ACSL6: variants seen among roughly 807,000 people sequenced by gnomAD.
ACSL6 encodes long-chain-fatty-acid--CoA ligase 6.
ACSL6 carries 47 observed loss-of-function variants against 98.2 expected under a neutral mutation model. That is an observed-to-expected ratio of 0.48 (90% CI 0.38 to 0.61). The LOEUF (loss-of-function observed/expected upper bound fraction) is 0.61. ACSL6 is among the 20% of genes least tolerant of loss of function. The pLI, the probability that ACSL6 is intolerant of heterozygous loss-of-function variation, is 0.00. For synonymous variants in ACSL6, 362 were observed against 336.9 expected (o/e 1.07, Z -0.82); for missense variants, 761 against 913.4 (o/e 0.83, Z 2.15).
chr5:131,986,314 C>T (rs1173100821), intron 8 of ACSL6, among the ~76,000 whole-genome samples: 1 of 152,122 alleles, frequency 6.6e-6, no homozygotes, highest in Non-Finnish European at 1.5e-5. Context: ...AGGCCATATG[C>T]CTTTTAGAAA....
At chr5:131,988,307 C>T in intron 6 of ACSL6, 81 bp from the exon 7 acceptor site, 1 of 1,509,868 alleles carries the variant, frequency 6.6e-7, no homozygotes, top group Non-Finnish European at 9.1e-7. Flanking sequence ...CAGCACATGC[C>T]AGGCAGCACT....
chr5:132,011,850 C>T (rs1347282388), upstream of ACSL6: 3 of 1,507,926 alleles, frequency 2.0e-6, no homozygotes, highest in South Asian at 2.6e-5. This position sits in a 1 kb window ranked among gnomAD's most constrained non-coding sequence, Gnocchi z 5.4. Context: ...AGCTCCCGGG[C>T]GGGGGAGGGG....
At chr5:131,960,405 G>T in intron 19 of ACSL6, 115 bp downstream of exon 19, 1 of 714,442 alleles carries the variant, frequency 1.4e-6, no homozygotes, top group Non-Finnish European at 2.2e-6. Flanking sequence ...ATAAAGTAAT[G>T]TTAGAAATTT....
rs1755713367 is a variant in ACSL6, at chr5:132,011,313, A to G, written c.49+192T>C. On this transcript the variant is annotated intron_variant, in intron 1 of 20. Transcript: ENST00000651883. This position sits in a 1 kb window ranked among gnomAD's most constrained non-coding sequence, Gnocchi z 5.4. ...CCTCCGCAGACCCAGGTGCTCCCCA[A>G]ACCCGGCCCGGAGCCCGCGAGAACT... 4.6e-6 allele frequency: 3 copies of G among 648,516 alleles called. No individual in the cohort carries two copies. The highest frequency in any genetic ancestry group is 3.7e-5 in the South Asian group (2 of 54,726). The allele number at this position is 648,516 out of a possible 1,614,324, so 40.2% of individuals were successfully genotyped here.
At chr5:131,985,635 G>A (rs891369189) in intron 8 of ACSL6, among the ~76,000 whole-genome samples, 177 bp from the exon 9 acceptor site, 8 of 152,138 alleles carry the variant, frequency 5.3e-5, no homozygotes, top group South Asian at 2.1e-4. Context: ...GCAGATGAGC[G>A]CTCAGGAAAA....
At chr5:131,986,154 A>T (rs147904616) in intron 8 of ACSL6, among the ~76,000 whole-genome samples, 2 of 152,310 alleles carry the variant, frequency 1.3e-5, no homozygotes, top group Admixed American at 6.5e-5. Flanking sequence ...GTGCTGAGGG[A>T]TGGGAGAGTG....
chr5:131,986,792 C>T lies in ACSL6; in HGVS notation c.864+30G>A, dbSNP rs377734567. Reference sequence around the variant, plus strand: ...GACAGGCCCTGCACGCCATCTCGCTCAATAAAGACCTGCAGGTGAATTCGC... The same window carrying T: ...GACAGGCCCTGCACGCCATCTCGCTTAATAAAGACCTGCAGGTGAATTCGC... On this transcript the variant is annotated intron_variant, in intron 8 of 20. Coordinates refer to ENST00000651883, the MANE Select transcript of ACSL6 (RefSeq NM_001009185.3). 4.3e-6 allele frequency: 7 copies of T among 1,613,906 alleles called. No homozygotes were observed. In the African/African-American group the frequency reaches 9.3e-5, roughly 22 times the overall value.
intron 1 of ACSL6, among the ~76,000 whole-genome samples, chr5:131,996,729 C>T (rs531666498): frequency 1.3e-5 from 2 of 152,354 alleles, no homozygotes; most frequent in East Asian, 3.9e-4. Flanking sequence ...AGTCATCCAT[C>T]TGTCTTTCAA....
upstream of ACSL6, chr5:132,011,735 G>T (rs1220998954): frequency 7.7e-7 from 1 of 1,302,340 alleles, no homozygotes; most frequent in South Asian, 2.5e-5. This position sits in a 1 kb window ranked among gnomAD's most constrained non-coding sequence, Gnocchi z 5.4. Flanking sequence ...GGCTCAAGGG[G>T]GAGGGCGCGG....
At chr5:131,988,337 T>G in intron 6 of ACSL6, 111 bp from the exon 7 acceptor site, 2 of 1,369,986 alleles carry the variant, frequency 1.5e-6, no homozygotes, top group Non-Finnish European at 2.0e-6. Context: ...TGTGTGCCCA[T>G]AGCTTATGTG....
At position 131,988,912 on chromosome 5, in the gene ACSL6, G is replaced by A. The variant is rs1466917782; in HGVS notation, c.553-8C>T. 1 of 1,608,086 alleles carries A rather than the reference G, an allele frequency of 6.2e-7. No homozygotes were observed. The highest frequency in any genetic ancestry group is 8.5e-7 in the Non-Finnish European group (1 of 1,174,890). On this transcript the variant is annotated splice_polypyrimidine_tract_variant and splice_region_variant and intron_variant, in intron 5 of 20. Coordinates refer to ENST00000651883, the MANE Select transcript of ACSL6 (RefSeq NM_001009185.3). ...CAGCTCCACAATGATCCACTGTGGAGACACATGAGGCGGGGGTGGGGAAGA... is the reference window on the plus strand; with the variant it reads ...CAGCTCCACAATGATCCACTGTGGAAACACATGAGGCGGGGGTGGGGAAGA...
Position 131,954,585 on chromosome 5 carries a change from A to G in ACSL6, c.2032-214T>C, listed in dbSNP as rs541706047. ...TCATTCATTTAGCCAGTCAACAGAAATGAATTAGTTGCTTACTCTATGCCA... is the reference window on the plus strand; with the variant it reads ...TCATTCATTTAGCCAGTCAACAGAAGTGAATTAGTTGCTTACTCTATGCCA... On this transcript the variant is annotated intron_variant, in intron 20 of 20. Coordinates refer to ENST00000651883, the MANE Select transcript of ACSL6 (RefSeq NM_001009185.3). Among the ~76,000 whole-genome samples, 239 of 152,346 alleles carry G rather than the reference A, an allele frequency of 1.6e-3. 1 individual carries two copies. The highest frequency in any genetic ancestry group is 5.2e-3 in the African/African-American group (215 of 41,582).
intron 6 of ACSL6, 151 bp from the exon 7 acceptor site, chr5:131,988,377 A>G: frequency 7.8e-7 from 1 of 1,289,330 alleles, no homozygotes; most frequent in Non-Finnish European, 1.1e-6. Flanking sequence ...GGCCTCGTGT[A>G]CAGAGGAATT....
chr5:131,991,263 T>C (rs916995848), intron 2 of ACSL6, among the ~76,000 whole-genome samples: 4 of 152,126 alleles, frequency 2.6e-5, no homozygotes, highest in Non-Finnish European at 5.9e-5. Context: ...GGTCAGCATA[T>C]GCAGAATGTC....
intron 1 of ACSL6, chr5:132,006,811 G>A (rs941454278): frequency 1.3e-5 from 2 of 152,122 alleles, no homozygotes; most frequent in Non-Finnish European, 2.9e-5. Context: ...GGCTGCACTG[G>A]TTCTCAGCAC....
Position 132,011,262 on chromosome 5 carries a change from G to A in ACSL6, c.49+243C>T, listed in dbSNP as rs1290407806. Among the ~76,000 whole-genome samples, 2 of 152,134 alleles carry A rather than the reference G, an allele frequency of 1.3e-5. No individual in the cohort carries two copies. Among genetic ancestry groups the A allele is most frequent in the Non-Finnish European group, 2.9e-5 (2 of 68,008 alleles). Reference sequence around the variant, plus strand: ...GAACTCGGCGGGGGTTTGTGGTGGGGTCGCAGAGAGCAAGCCCTATATCTC... The same window carrying A: ...GAACTCGGCGGGGGTTTGTGGTGGGATCGCAGAGAGCAAGCCCTATATCTC... On this transcript the variant is annotated intron_variant, in intron 1 of 20. Coordinates refer to ENST00000651883, the MANE Select transcript of ACSL6 (RefSeq NM_001009185.3). The surrounding 1 kb of genome is among the most constrained non-coding windows in gnomAD (Gnocchi z 5.4).
rs1250112524 is a variant in ACSL6 at position 132,011,483 on chromosome 5, C to T, written c.49+22G>A. The T allele has an allele frequency of 1.2e-6, 2 of 1,608,560 alleles. No individual in the cohort carries two copies. Among genetic ancestry groups the T allele is most frequent in the Admixed American group, 3.3e-5 (2 of 59,910 alleles). The stretch of plus-strand genomic sequence containing the variant: ...GCCTGCGGGAGATGGGAGTCCGGGA[C>T]GCGGACAGGACGGGCACTTACCTAC... On this transcript the variant is annotated intron_variant, in intron 1 of 20. Transcript: ENST00000651883. This position sits in a 1 kb window ranked among gnomAD's most constrained non-coding sequence, Gnocchi z 5.4.
rs1752153198 is a variant in ACSL6, at chr5:131,951,457, T to C, written c.*2777A>G. 2 of 205,138 alleles carry C rather than the reference T, an allele frequency of 9.7e-6. No homozygotes were observed. The highest frequency in any genetic ancestry group is 7.5e-5 in the East Asian group (1 of 13,280). The allele number at this position is 205,138 out of a possible 1,614,324, so 12.7% of individuals were successfully genotyped here. A position where few individuals can be genotyped will look rare whatever the true frequency, so the allele number is the denominator to read the frequency against. On this transcript the variant is annotated 3_prime_UTR_variant, in exon 21 of 21. Coordinates refer to ENST00000651883, the MANE Select transcript of ACSL6 (RefSeq NM_001009185.3). ...CATGCAAGATATTTAGGGTACACTA[T>C]TTACTTTTCTCAGCACATCTGAACT...
At chr5:132,006,776 T>C (rs1373860290) in intron 1 of ACSL6, 3 of 152,240 alleles carry the variant, frequency 2.0e-5, no homozygotes, top group Non-Finnish European at 4.4e-5. Flanking sequence ...CAACAAACAC[T>C]TCTGGAGCAC....
Sources: allele counts gnomAD v4.1 joint callset (sites outside exome capture counted in the v4.1 genomes callset), GRCh38; gene constraint gnomAD v4.1.1; non-coding constraint Gnocchi (gnomAD v3.1); transcripts MANE v1.5; gene names NCBI Gene and HGNC (gene_info 2026-07-23, HGNC 2026-07-21).